ZNF91: variants seen among roughly 807,000 people sequenced by gnomAD.
ZNF91 encodes the protein zinc finger protein 91 (HPF7, HTF10).
In ZNF91, 7 loss-of-function variants were observed where a neutral mutation model predicts 12.6. The observed-to-expected ratio is 0.55, with a 90% CI of 0.31 to 1.04. ZNF91 has a LOEUF of 1.04. Ranked by LOEUF, ZNF91 falls within the 50% of genes least tolerant of loss-of-function variation. The pLI, the probability that ZNF91 is intolerant of heterozygous loss-of-function variation, is 0.05. For synonymous variants in ZNF91, 453 were observed against 462.6 expected (o/e 0.98, Z 0.27); for missense variants, 1,217 against 1,385.4 (o/e 0.88, Z 1.93).
chr19:23,327,939 T>G (rs1967866138), intron 1 of ZNF91: 1 of 152,230 alleles, frequency 6.6e-6, no homozygotes, highest in Non-Finnish European at 1.5e-5. Flanking sequence ...AGAACGATTT[T>G]TGTGTTCAAA....
At chr19:23,336,507 C>G (rs1478697967), downstream of ZNF91, among the ~76,000 whole-genome samples, 2 of 152,314 alleles carry the variant, frequency 1.3e-5, 1 homozygote, top group South Asian at 4.1e-4. Context: ...CTGTTCGTTA[C>G]TCTACACGTG....
intron 1 of ZNF91, among the ~76,000 whole-genome samples, chr19:23,392,597 T>C (rs1449941464): frequency 2.6e-5 from 4 of 151,522 alleles, no homozygotes; most frequent in African/African-American, 9.7e-5. Context: ...TTTGAGAGCA[T>C]CCTGGGCCAC....
At chr19:23,393,375 A>G (rs1054037311) in intron 1 of ZNF91, among the ~76,000 whole-genome samples, 1 of 152,202 alleles carries the variant, frequency 6.6e-6, no homozygotes, top group Non-Finnish European at 1.5e-5. Flanking sequence ...CTATGAGAGA[A>G]TATGACCCAG....
chr19:23,343,818 T>C (rs774245013), intron 3 of ZNF91, among the ~76,000 whole-genome samples: 2 of 152,202 alleles, frequency 1.3e-5, no homozygotes, highest in Middle Eastern at 6.3e-3. Context: ...GCCCACTGAC[T>C]TCTATCAGAC....
intron 3 of ZNF91, among the ~76,000 whole-genome samples, chr19:23,349,070 T>C (rs1266823715): frequency 6.6e-6 from 1 of 152,174 alleles, no homozygotes; most frequent in Non-Finnish European, 1.5e-5. Context: ...TGTTTCCTGT[T>C]AAAATGTTTA....
downstream of ZNF91, among the ~76,000 whole-genome samples, chr19:23,335,768 C>A (rs972889260): frequency 1.3e-5 from 2 of 152,174 alleles, no homozygotes; most frequent in African/African-American, 4.8e-5. Context: ...ACCCCTTGCG[C>A]TTTCTGGGTG....
At chr19:23,381,633 T>C (rs1969719483) in intron 1 of ZNF91, among the ~76,000 whole-genome samples, 1 of 152,128 alleles carries the variant, frequency 6.6e-6, no homozygotes, top group Admixed American at 6.6e-5. Context: ...GCTAATTTTG[T>C]ATTTTTAGTA....
intron 1 of ZNF91, among the ~76,000 whole-genome samples, chr19:23,309,544 C>A (rs1487208434): frequency 6.6e-6 from 1 of 152,046 alleles, no homozygotes; most frequent in Non-Finnish European, 1.5e-5. Context: ...TTTTCTGGTC[C>A]CTTCTTTCAG....
At chr19:23,325,562 C>T (rs1967820545) in intron 1 of ZNF91, 1 of 152,198 alleles carries the variant, frequency 6.6e-6, no homozygotes, top group African/African-American at 2.4e-5. Context: ...CCTGCAAGTA[C>T]TTGTAAAAAT....
intron 3 of ZNF91, among the ~76,000 whole-genome samples, chr19:23,342,792 C>T (rs1599703027): frequency 6.6e-6 from 1 of 151,390 alleles, no homozygotes; most frequent in African/African-American, 2.4e-5. Context: ...TTCTATAGTT[C>T]TCTAACATTG....
Position 23,362,448 on chromosome 19 carries a change from A to T in ZNF91, c.531T>A (p.Thr177=), listed in dbSNP as rs1044095. 1.2e-6 allele frequency: 2 copies of T among 1,613,288 alleles called. No individual in the cohort carries two copies. Among genetic ancestry groups the T allele is most frequent in the Non-Finnish European group, 1.7e-6 (2 of 1,179,772 alleles). The part of the protein sequence containing the change: ...LNSNRHTIRH[T]GKKCFKCKKC... ...TTTTACATTTGAAGCATTTCTTTCC[A>T]GTATGTCTTATCGTATGTCTGTTTG... The change falls in exon 4 of 4, where the codon ACT becomes ACA. Residue 177 remains threonine (T), a synonymous_variant. Coordinates refer to ENST00000300619, the MANE Select transcript of ZNF91 (RefSeq NM_003430.4).
intron 1 of ZNF91, chr19:23,324,803 C>T (rs1005751835): frequency 5.9e-5 from 9 of 151,954 alleles, no homozygotes; most frequent in African/African-American, 1.9e-4. Context: ...AACTTCTGGG[C>T]GCAAGCTCTC....
chr19:23,339,082 T>C (rs1298123961), intron 3 of ZNF91: 1 of 151,562 alleles, frequency 6.6e-6, no homozygotes, highest in African/African-American at 2.4e-5. Context: ...AGTATAGATT[T>C]ATGAAATGAA....
chr19:23,364,191 T>C (rs1033142476), intron 3 of ZNF91, among the ~76,000 whole-genome samples: 1 of 152,164 alleles, frequency 6.6e-6, no homozygotes, highest in African/African-American at 2.4e-5. Context: ...TGGTGACACA[T>C]GCCTGTAATC....
chr19:23,388,664 G>A (rs1375206749), intron 1 of ZNF91, among the ~76,000 whole-genome samples: 1 of 152,174 alleles, frequency 6.6e-6, no homozygotes, highest in African/African-American at 2.4e-5. Context: ...CTGAGGTCAG[G>A]AGTTGGAGAC....
intron 1 of ZNF91, among the ~76,000 whole-genome samples, chr19:23,376,807 A>T (rs937054172): frequency 6.6e-5 from 10 of 152,174 alleles, no homozygotes; most frequent in Admixed American, 3.9e-4. Context: ...GAGTGGACAC[A>T]GCTCTTGATC....
At chr19:23,365,945 G>A (rs1051764012) in intron 3 of ZNF91, among the ~76,000 whole-genome samples, 1 of 152,200 alleles carries the variant, frequency 6.6e-6, no homozygotes, top group Non-Finnish European at 1.5e-5. Flanking sequence ...AGAACAAAGT[G>A]AAAAGTCTCC....
chr19:23,381,432 G>A (rs2145118839), intron 1 of ZNF91, among the ~76,000 whole-genome samples: 1 of 150,340 alleles, frequency 6.7e-6, no homozygotes, highest in Non-Finnish European at 1.5e-5. Context: ...CCACTTTTCA[G>A]TTTATAAACT....
In ZNF91 at chr19:23,388,996, TGAGGGTG is replaced by T. The variant is rs541185766; in HGVS notation, c.30+6322_30+6328del. ...GGAACAACAGACACTGACGCCTAGT[TGAGGGTG>T]GAGGGTGGCAGGAGAAACAGGGTCA... On this transcript the variant is annotated intron_variant, in intron 1 of 3. Transcript: ENST00000300619. Among the ~76,000 whole-genome samples the T allele has an allele frequency of 5.0e-4, 76 of 152,148 alleles. No individual in the cohort carries two copies. The South Asian group carries it at 0.012, about 23-fold the overall frequency.
Sources: gnomAD v4.1 joint callset for allele counts (sites outside exome capture counted in the v4.1 genomes callset) on GRCh38, gnomAD v4.1.1 for gene constraint, MANE v1.5 for transcripts, NCBI Gene and HGNC (gene_info 2026-07-23, HGNC 2026-07-21) for gene names.